The following ADAMTS3 variants were observed in gnomAD, a reference collection of about 807,000 sequenced individuals.
ADAMTS3 encodes ADAM metallopeptidase with thrombospondin type 1 motif 3.
ADAMTS3 carries 73 observed loss-of-function variants against 129.0 expected under a neutral mutation model. The ratio of observed to expected loss-of-function variants is 0.57; its 90% CI spans 0.47 to 0.69. The LOEUF is 0.69. Ranked by LOEUF, ADAMTS3 falls within the 30% of genes least tolerant of loss-of-function variation. The probability of loss-of-function intolerance (pLI) is 0.00; values close to 1 mark genes in which losing one functional copy is unlikely to be tolerated. For synonymous variants in ADAMTS3, 477 were observed against 510.8 expected, an observed-to-expected ratio of 0.93 and a Z score of 0.89; for missense variants, 1,457 against 1,514.5, an observed-to-expected ratio of 0.96 and a Z score of 0.63.
At chr4:72,533,811 A>G (rs1450571642) in intron 3 of ADAMTS3, among the ~76,000 whole-genome samples, 1 of 152,128 alleles carries the variant, frequency 6.6e-6, no homozygotes, top group African/African-American at 2.4e-5. Context: ...GAGCTTATTC[A>G]GAATTAGAGG....
intron 3 of ADAMTS3, among the ~76,000 whole-genome samples, chr4:72,423,363 A>G (rs1483859968): frequency 6.6e-6 from 1 of 152,138 alleles, no homozygotes; most frequent in Non-Finnish European, 1.5e-5. Context: ...TAAATATAAT[A>G]GTCTAGTAAG....
chr4:72,555,221 AT>A (rs1721732271), intron 2 of ADAMTS3, among the ~76,000 whole-genome samples: 1 of 151,800 alleles, frequency 6.6e-6, no homozygotes, highest in Admixed American at 6.5e-5. Context: ...CTTAACCCAA[AT>A]AAAAACTTAG....
chr4:72,532,508 C>T (rs1446917182), intron 3 of ADAMTS3, among the ~76,000 whole-genome samples: 1 of 151,928 alleles, frequency 6.6e-6, no homozygotes, highest in Non-Finnish European at 1.5e-5. Flanking sequence ...CACACACACA[C>T]ACACACACAC....
At chr4:72,554,994 T>C (rs759510581) in intron 2 of ADAMTS3, among the ~76,000 whole-genome samples, 13 of 151,904 alleles carry the variant, frequency 8.6e-5, no homozygotes, top group Non-Finnish European at 1.6e-4. Flanking sequence ...CAACACTGTC[T>C]GGCACATAGT....
In ADAMTS3 at chr4:72,282,900, T is replaced by C. The variant is rs1004669259; in HGVS notation, c.*236A>G. The C allele has an allele frequency of 2.6e-6, 1 of 382,194 alleles. No homozygotes were observed. Among genetic ancestry groups the C allele is most frequent in the Non-Finnish European group, 4.7e-6 (1 of 213,326 alleles). 23.7% of individuals were successfully genotyped at this position (382,194 alleles called of 1,614,324 possible). On this transcript the variant is annotated 3_prime_UTR_variant, in exon 22 of 22. Coordinates refer to ENST00000286657, the MANE Select transcript of ADAMTS3 (RefSeq NM_014243.3). The stretch of plus-strand genomic sequence containing the variant: ...CAACACAATCTTAGCAACATATTTT[T>C]CTTTTGTAATAATCTTTGGTGATTT...
chr4:72,569,217 AAG>A lies in ADAMTS3; in HGVS notation c.-457_-456del, dbSNP rs1196946316. On this transcript the variant is annotated 5_prime_UTR_variant, in exon 1 of 22. Coordinates refer to ENST00000286657, the MANE Select transcript of ADAMTS3 (RefSeq NM_014243.3). ...GAGACGAGCGAGCGGGAGCGGGAGAAAGAGGCAGGGAGAGGGCGACTCCGCCG... is the reference window on the plus strand; with the variant it reads ...GAGACGAGCGAGCGGGAGCGGGAGAAAGGCAGGGAGAGGGCGACTCCGCCG... 6.2e-6 allele frequency: 1 copy of A among 160,948 alleles called. No homozygotes were observed. Among genetic ancestry groups the A allele is most frequent in the Non-Finnish European group, 1.4e-5 (1 of 74,046 alleles). 10.0% of individuals were successfully genotyped at this position (160,948 alleles called of 1,614,324 possible). A position where few individuals can be genotyped will look rare whatever the true frequency, so the allele number is the denominator to read the frequency against.
Position 72,298,370 on chromosome 4 carries a change from T to C in ADAMTS3, c.2497A>G (p.Thr833Ala), listed in dbSNP as rs771788684. The C allele has an allele frequency of 5.0e-6, 8 of 1,613,142 alleles. No individual in the cohort carries two copies. The highest frequency in any genetic ancestry group is 5.9e-6 in the Non-Finnish European group (7 of 1,179,294). The change falls in exon 18 of 22, where the codon ACA becomes GCA. Residue 833 changes from threonine to alanine, a missense_variant. By Grantham distance (58) the Thr-to-Ala change is moderately conservative. Transcript: ENST00000286657. ...TGGATGACATTGTTGCTGTTGATTG[T>C]AGGTACAGAGTCTTCATGGATGATG... is the stretch of plus-strand genomic sequence containing the variant. ...KYIIHEDSVP[T>A]INSNNVIQEE...
In ADAMTS3 at chr4:72,556,992, A is replaced by G. The variant is rs1032040338; in HGVS notation, c.98-8108T>C. Among the ~76,000 whole-genome samples, 9 of 151,740 alleles carry G rather than the reference A, an allele frequency of 5.9e-5. 1 individual carries two copies. Among genetic ancestry groups the G allele is most frequent in the Admixed American group, 3.9e-4 (6 of 15,274 alleles). ...ACATCAACAGAGGGCCTAAAATCCA[A>G]TCTGGCTGTAACAATCCATGCCCCA... On this transcript the variant is annotated intron_variant, in intron 2 of 21. Coordinates refer to ENST00000286657, the MANE Select transcript of ADAMTS3 (RefSeq NM_014243.3).
Position 72,303,901 on chromosome 4 carries a change from C to T in ADAMTS3, c.2424+16G>A, listed in dbSNP as rs1336319713. On this transcript the variant is annotated intron_variant, in intron 17 of 21. Transcript: ENST00000286657. ...AAGCTGAGCTAACTATACCATGAGC[C>T]CATAATGCCACATACCAAAACAATA... 5 of 1,612,054 alleles carry T rather than the reference C, an allele frequency of 3.1e-6. No homozygotes were observed. The highest frequency in any genetic ancestry group is 4.2e-6 in the Non-Finnish European group (5 of 1,178,820).
At chr4:72,323,582 T>C (rs1719621649) in intron 5 of ADAMTS3, among the ~76,000 whole-genome samples, 1 of 152,066 alleles carries the variant, frequency 6.6e-6, no homozygotes. Context: ...GGAGCTGTGG[T>C]AGTGTATCTG....
At chr4:72,530,029 TAA>T (rs372023407) in intron 3 of ADAMTS3, among the ~76,000 whole-genome samples, 67 of 506 alleles carry the variant, frequency 0.13, 6 homozygotes, top group South Asian at 0.5. Flanking sequence ...TATTTATATA[TAA>T]ATATAATATA....
chr4:72,321,599 T>C (rs1019666003), intron 6 of ADAMTS3, among the ~76,000 whole-genome samples: 1 of 152,182 alleles, frequency 6.6e-6, no homozygotes, highest in Non-Finnish European at 1.5e-5. Context: ...GATTCTGGCA[T>C]GTTTTTCCAG....
At chr4:72,347,982 C>T (rs1720332146) in intron 4 of ADAMTS3, among the ~76,000 whole-genome samples, 1 of 152,012 alleles carries the variant, frequency 6.6e-6, no homozygotes, top group African/African-American at 2.4e-5. Context: ...AGAAACTCTA[C>T]ATTTGCATTC....
In ADAMTS3 at chr4:72,523,842, CA is replaced by C. The variant is rs1226173999; in HGVS notation, c.504+24635del. ...AATGCAAGATTATATGTCTATTTAT[CA>C]AATACAATTTATTGGTCAATGTTCA... On this transcript the variant is annotated intron_variant, in intron 3 of 21. Transcript: ENST00000286657. Among the ~76,000 whole-genome samples, 3 of 151,972 alleles carry C rather than the reference CA, an allele frequency of 2.0e-5. No homozygotes were observed. In the East Asian group the frequency reaches 5.8e-4, roughly 29 times the overall value.
intron 17 of ADAMTS3, among the ~76,000 whole-genome samples, chr4:72,299,557 T>G (rs16847814): frequency 0.02 from 2,977 of 152,214 alleles, 89 homozygotes; most frequent in African/African-American, 0.068. Flanking sequence ...TTCTAGTTCT[T>G]CTGATAGACT....
At chr4:72,506,185 A>G (rs1479263714) in intron 3 of ADAMTS3, among the ~76,000 whole-genome samples, 2 of 152,128 alleles carry the variant, frequency 1.3e-5, no homozygotes, top group Non-Finnish European at 2.9e-5. Context: ...TATGCACAGG[A>G]AAAGTGGGGT....
chr4:72,511,032 C>T (rs1168096327), intron 3 of ADAMTS3, among the ~76,000 whole-genome samples: 2 of 152,056 alleles, frequency 1.3e-5, no homozygotes, highest in Non-Finnish European at 2.9e-5. Context: ...GGGGAAAAGA[C>T]AGTCTCTTCA....
chr4:72,518,116 G>C (rs1720546692), intron 3 of ADAMTS3, among the ~76,000 whole-genome samples: 2 of 152,132 alleles, frequency 1.3e-5, no homozygotes, highest in Non-Finnish European at 2.9e-5. Context: ...TTCAGGAACA[G>C]GTTGTTCAGT....
In ADAMTS3 at chr4:72,397,566, C is replaced by G. The variant is rs1248952033; in HGVS notation, c.661+17249G>C. Among the ~76,000 whole-genome samples the G allele has an allele frequency of 3.0e-5, 4 of 132,846 alleles. No homozygotes were observed. The East Asian group carries it at 6.0e-4, about 20-fold the overall frequency. The allele number at this position is 132,846 out of a possible 152,430, so 87.2% of individuals were successfully genotyped here. A position where few individuals can be genotyped will look rare whatever the true frequency, so the allele number is the denominator to read the frequency against. On this transcript the variant is annotated intron_variant, in intron 4 of 21. Coordinates refer to ENST00000286657, the MANE Select transcript of ADAMTS3 (RefSeq NM_014243.3). The stretch of plus-strand genomic sequence containing the variant: ...GGCGACAGGGTGAGACTCTATTACA[C>G]ACACACACACACACACACACACACA...
Sources: gnomAD v4.1 joint callset for allele counts (sites outside exome capture counted in the v4.1 genomes callset) on GRCh38, gnomAD v4.1.1 for gene constraint, MANE v1.5 for transcripts, NCBI Gene and HGNC (gene_info 2026-07-23, HGNC 2026-07-21) for gene names.